Variants in ADAMTSL1 observed in about 807,000 individuals in gnomAD.
ADAMTSL1 encodes the protein ADAMTS-like protein 1.
Under a neutral mutation model 201.8 loss-of-function variants are expected in ADAMTSL1, and 126 were observed. The observed-to-expected ratio is 0.62, with a 90% CI of 0.54 to 0.72. The LOEUF (loss-of-function observed/expected upper bound fraction) is 0.72, where lower values mean the gene tolerates loss of function less well. ADAMTSL1 is among the 30% of genes least tolerant of loss of function. The pLI, the probability that ADAMTSL1 is intolerant of heterozygous loss-of-function variation, is 0.00. For missense variants in ADAMTSL1, 2,679 were observed against 2,277.8 expected (o/e 1.18, Z -3.59); for synonymous variants, 1,121 against 903.4 (o/e 1.24, Z -4.32).
At chr9:18,017,569 C>T (rs1820309879) in intron 1 of ADAMTSL1, among the ~76,000 whole-genome samples, 1 of 151,898 alleles carries the variant, frequency 6.6e-6, no homozygotes, top group South Asian at 2.1e-4. Flanking sequence ...GCTCCGAAGC[C>T]ATGTATAGCT....
At chr9:18,135,852 G>C (rs948056057) in intron 1 of ADAMTSL1, among the ~76,000 whole-genome samples, 23 of 152,110 alleles carry the variant, frequency 1.5e-4, no homozygotes, top group African/African-American at 5.6e-4. Flanking sequence ...AGCTTACACT[G>C]ATGCAGTGCC....
chr9:18,833,180 T>C (rs1825098050), intron 23 of ADAMTSL1, among the ~76,000 whole-genome samples: 1 of 152,240 alleles, frequency 6.6e-6, no homozygotes, highest in African/African-American at 2.4e-5. Context: ...GACTAGCAAG[T>C]GCTTGTTGCT....
intron 2 of ADAMTSL1, among the ~76,000 whole-genome samples, chr9:18,243,004 T>C (rs552900660): frequency 6.6e-6 from 1 of 152,220 alleles, no homozygotes; most frequent in South Asian, 2.1e-4. Flanking sequence ...AAAATTCATA[T>C]GGAACCATAA....
chr9:18,523,354 T>A (rs551111099), intron 2 of ADAMTSL1, among the ~76,000 whole-genome samples: 1 of 152,192 alleles, frequency 6.6e-6, no homozygotes, highest in African/African-American at 2.4e-5. Flanking sequence ...CTTTGTCAGA[T>A]GAGTAGGTTG....
intron 3 of ADAMTSL1, among the ~76,000 whole-genome samples, chr9:18,553,410 C>G (rs191915337): frequency 4.9e-4 from 75 of 151,776 alleles, no homozygotes; most frequent in Admixed American, 8.6e-4. Flanking sequence ...GATTTATGTG[C>G]TATTTTTGTC....
At chr9:18,101,274 G>T (rs1824506646) in intron 1 of ADAMTSL1, among the ~76,000 whole-genome samples, 1 of 152,098 alleles carries the variant, frequency 6.6e-6, no homozygotes, top group Non-Finnish European at 1.5e-5. Context: ...GAGGCGGGCA[G>T]ATCACGAGGT....
chr9:18,313,177 C>T (rs1834222736), intron 2 of ADAMTSL1, among the ~76,000 whole-genome samples: 1 of 152,198 alleles, frequency 6.6e-6, no homozygotes, highest in African/African-American at 2.4e-5. Context: ...CAATAACTTG[C>T]ATTTCTAACT....
intron 8 of ADAMTSL1, among the ~76,000 whole-genome samples, chr9:18,658,938 T>C (rs1828884984): frequency 6.6e-6 from 1 of 152,250 alleles, no homozygotes; most frequent in South Asian, 2.1e-4. Context: ...TTTGTGGCTA[T>C]TGGCACACAT....
At chr9:18,530,063 A>T (rs1819345261) in intron 2 of ADAMTSL1, among the ~76,000 whole-genome samples, 1 of 152,188 alleles carries the variant, frequency 6.6e-6, no homozygotes, top group Admixed American at 6.5e-5. Flanking sequence ...GCTCATTTAA[A>T]CTATTGAAAC....
intron 20 of ADAMTSL1, among the ~76,000 whole-genome samples, chr9:18,801,576 T>C (rs1588134225): frequency 6.6e-6 from 1 of 152,264 alleles, no homozygotes; most frequent in South Asian, 2.1e-4. Flanking sequence ...TCCCCCTTCT[T>C]CGTGTTCATG....
chr9:18,862,412 G>A (rs1247047061), intron 23 of ADAMTSL1, among the ~76,000 whole-genome samples: 1 of 152,166 alleles, frequency 6.6e-6, no homozygotes, highest in Admixed American at 6.5e-5. Context: ...GTGAGGGGAT[G>A]AGAACAGCTA....
intron 1 of ADAMTSL1, among the ~76,000 whole-genome samples, chr9:18,120,298 C>T (rs530747656): frequency 6.6e-6 from 1 of 152,332 alleles, no homozygotes; most frequent in Admixed American, 6.5e-5. Flanking sequence ...AGAGAGCATA[C>T]AACAGAGCCC....
intron 2 of ADAMTSL1, among the ~76,000 whole-genome samples, chr9:18,524,920 T>C (rs573693283): frequency 6.3e-4 from 96 of 152,330 alleles, no homozygotes; most frequent in African/African-American, 2.0e-3. Flanking sequence ...GTTGTGTCTG[T>C]GCCAGGCTTT....
chr9:18,620,544 C>T (rs976908712), intron 4 of ADAMTSL1, among the ~76,000 whole-genome samples: 22 of 152,266 alleles, frequency 1.4e-4, no homozygotes, highest in East Asian at 3.9e-4. Flanking sequence ...AGCTCATGGG[C>T]GGGCCCATCT....
intron 2 of ADAMTSL1, among the ~76,000 whole-genome samples, chr9:18,298,297 T>C (rs141253257): frequency 6.6e-6 from 1 of 152,264 alleles, no homozygotes; most frequent in East Asian, 1.9e-4. Context: ...AATAAAGATA[T>C]ACGGCCCATG....
At chr9:18,809,799 AAAAAG>A (rs1163171754) in intron 20 of ADAMTSL1, among the ~76,000 whole-genome samples, 1 of 152,170 alleles carries the variant, frequency 6.6e-6, no homozygotes, top group Admixed American at 6.5e-5. Context: ...CAAAAACAAA[AAAAAG>A]AAAAGAAAAA....
chr9:18,349,276 C>A (rs757396799), intron 2 of ADAMTSL1, among the ~76,000 whole-genome samples: 6 of 152,152 alleles, frequency 3.9e-5, no homozygotes, highest in Non-Finnish European at 8.8e-5. Context: ...GGGCATGTTG[C>A]AAAGAACAGT....
At chr9:18,781,240 C>G (rs72690548) in intron 19 of ADAMTSL1, among the ~76,000 whole-genome samples, 1 of 152,010 alleles carries the variant, frequency 6.6e-6, no homozygotes, top group African/African-American at 2.4e-5. Flanking sequence ...TCCAGGACAT[C>G]GTTGTGGGGG....
intron 1 of ADAMTSL1, among the ~76,000 whole-genome samples, chr9:18,103,109 A>T (rs750961836): frequency 1.3e-5 from 2 of 152,064 alleles, no homozygotes; most frequent in Non-Finnish European, 2.9e-5. Flanking sequence ...ATTCCTGGGG[A>T]TTTTATAATA....
Sources: gnomAD v4.1 joint callset for allele counts (sites outside exome capture counted in the v4.1 genomes callset) on GRCh38, gnomAD v4.1.1 for gene constraint, MANE v1.5 for transcripts, NCBI Gene and HGNC (gene_info 2026-07-23, HGNC 2026-07-21) for gene names.